The following PLCL1 variants were observed in gnomAD, a reference collection of about 807,000 sequenced individuals.
The protein encoded by PLCL1 is inactive phospholipase C-like protein 1.
Under a neutral mutation model 84.4 loss-of-function variants are expected in PLCL1, and 41 were observed. The observed-to-expected ratio is 0.49, with a 90% CI of 0.38 to 0.63. The LOEUF is 0.63. Among genes scored for constraint, PLCL1 ranks in the 30% least tolerant of loss-of-function variants. The pLI is 0.00. For missense variants in PLCL1, 1,206 were observed against 1,367.8 expected, an observed-to-expected ratio of 0.88 and a Z score of 1.87; for synonymous variants, 490 against 488.3, an observed-to-expected ratio of 1.00 and a Z score of -0.05.
At chr2:198,019,698 A>T (rs1400155163) in intron 1 of PLCL1, among the ~76,000 whole-genome samples, 1 of 152,224 alleles carries the variant, frequency 6.6e-6, no homozygotes, top group Non-Finnish European at 1.5e-5. Flanking sequence ...AGAAAGAATG[A>T]AAAGGAAGGA....
intron 1 of PLCL1, among the ~76,000 whole-genome samples, chr2:197,851,298 G>C (rs1465642680): frequency 6.6e-6 from 1 of 152,176 alleles, no homozygotes; most frequent in Non-Finnish European, 1.5e-5. Context: ...TTCAGACTTT[G>C]GGAGCAGTTC....
At chr2:198,048,289 T>A (rs898006754) in intron 1 of PLCL1, among the ~76,000 whole-genome samples, 1 of 152,162 alleles carries the variant, frequency 6.6e-6, no homozygotes, top group African/African-American at 2.4e-5. Context: ...CACCAGCAGG[T>A]TTGGTGTCTG....
chr2:197,940,724 A>G (rs2105773942), intron 1 of PLCL1, among the ~76,000 whole-genome samples: 2 of 152,342 alleles, frequency 1.3e-5, no homozygotes, highest in African/African-American at 4.8e-5. Flanking sequence ...TTTCAATGAC[A>G]AAAGACCATG....
In PLCL1 at chr2:197,970,704, C is replaced by T. The variant is rs370214656; in HGVS notation, c.241-113054C>T. ...TTCTGTTAGATAGTGCTGCACTGAA[C>T]TACAAGCTTATTGAAGACAAGAGTT... is the stretch of plus-strand genomic sequence containing the variant. On this transcript the variant is annotated intron_variant, in intron 1 of 5. Transcript: ENST00000428675. Among the ~76,000 whole-genome samples the T allele has an allele frequency of 1.6e-4, 25 of 152,298 alleles. No homozygotes were observed. The East Asian group carries it at 4.2e-3, about 26-fold the overall frequency.
At chr2:197,946,268 A>C (rs1432244954) in intron 1 of PLCL1, among the ~76,000 whole-genome samples, 1 of 152,182 alleles carries the variant, frequency 6.6e-6, no homozygotes, top group Non-Finnish European at 1.5e-5. Flanking sequence ...GACATATTTG[A>C]CTAAATAAAA....
chr2:197,813,183 T>C (rs1201549263), intron 1 of PLCL1, among the ~76,000 whole-genome samples: 1 of 152,180 alleles, frequency 6.6e-6, no homozygotes, highest in African/African-American at 2.4e-5. Context: ...GTGATGGCCC[T>C]GCTCCCCTAC....
chr2:198,048,344 C>A (rs1205718825), intron 1 of PLCL1, among the ~76,000 whole-genome samples: 2 of 152,202 alleles, frequency 1.3e-5, no homozygotes, highest in East Asian at 3.8e-4. Context: ...TGTGTTCTCA[C>A]ATGGCCCAAA....
chr2:198,103,827 G>A lies in PLCL1; in HGVS notation c.2996G>A (p.Gly999Glu). ...TTTCTTATGCATTCTTTCTTCAAAGGGATGGAGTTCCATGAAGAACTTCAT... is the reference window on the plus strand; with the variant it reads ...TTTCTTATGCATTCTTTCTTCAAAGAGATGGAGTTCCATGAAGAACTTCAT... The part of the protein sequence containing the change: ...QEKIVQCQKA[G>E]MEFHEELHNL... The change falls in exon 5 of 6, where the codon GGG (glycine) becomes GAG (glutamate). Residue 999 changes from glycine (G) to glutamate (E), a missense_variant and splice_region_variant. Coordinates refer to ENST00000428675, the MANE Select transcript of PLCL1 (RefSeq NM_006226.4). 6.4e-7 allele frequency: 1 copy of A among 1,559,834 alleles called. No individual in the cohort carries two copies. The highest frequency in any genetic ancestry group is 8.8e-7 in the Non-Finnish European group (1 of 1,137,714).
chr2:197,980,003 A>T (rs1690070111), intron 1 of PLCL1, among the ~76,000 whole-genome samples: 1 of 152,174 alleles, frequency 6.6e-6, no homozygotes, highest in Non-Finnish European at 1.5e-5. Context: ...CTGTATAGGG[A>T]TGTAAAAAAG....
At chr2:198,132,925 A>T (rs979878377) in intron 5 of PLCL1, among the ~76,000 whole-genome samples, 1 of 151,750 alleles carries the variant, frequency 6.6e-6, no homozygotes, top group African/African-American at 2.4e-5. Context: ...CTGAATGGTA[A>T]TGCCTAGGTT....
At chr2:197,949,473 G>A (rs1182979609) in intron 1 of PLCL1, among the ~76,000 whole-genome samples, 2 of 152,132 alleles carry the variant, frequency 1.3e-5, no homozygotes, top group Non-Finnish European at 2.9e-5. Flanking sequence ...GATCTTAACA[G>A]CTGTCACTCA....
chr2:197,890,380 A>C (rs1483651374), intron 1 of PLCL1, among the ~76,000 whole-genome samples: 1 of 152,106 alleles, frequency 6.6e-6, no homozygotes, highest in Non-Finnish European at 1.5e-5. Flanking sequence ...TCTCCCTCTT[A>C]GCAGCAACAC....
chr2:197,805,644 A>C lies in PLCL1; in HGVS notation c.240+305A>C, dbSNP rs1177496557. 6.6e-6 allele frequency among the ~76,000 whole-genome samples: 1 copy of C among 152,192 alleles called. No homozygotes were observed. Among genetic ancestry groups the C allele is most frequent in the African/African-American group, 2.4e-5 (1 of 41,454 alleles). On this transcript the variant is annotated intron_variant, in intron 1 of 5. Coordinates refer to ENST00000428675, the MANE Select transcript of PLCL1 (RefSeq NM_006226.4). This position sits in a 1 kb window ranked among gnomAD's most constrained non-coding sequence, Gnocchi z 4.0. ...CACTAAACCGTTGATGGAGGGAGGA[A>C]GGGAGAACTCTGGATAAATGCAGAC...
chr2:198,088,957 A>C lies in PLCL1; in HGVS notation c.2815A>C (p.Asn939His), dbSNP rs1692952839. The C allele has an allele frequency of 6.2e-7, 1 of 1,613,262 alleles. No homozygotes were observed. Among genetic ancestry groups the C allele is most frequent in the Non-Finnish European group, 8.5e-7 (1 of 1,179,318 alleles). The change falls in exon 3 of 6, where the codon AAT (asparagine) becomes CAT (histidine). Residue 939 changes from asparagine to histidine, a missense_variant. Coordinates refer to ENST00000428675, the MANE Select transcript of PLCL1 (RefSeq NM_006226.4). ...TLSSRLITSD[N>H]TPSVSLVMKD... ...GTCATCTCGGCTCATCACCAGTGAC[A>C]ATACTCCTTCAGTCTCACTTGTGAT...
chr2:198,051,319 T>C (rs942681663), intron 1 of PLCL1, among the ~76,000 whole-genome samples: 1 of 152,180 alleles, frequency 6.6e-6, no homozygotes, highest in Non-Finnish European at 1.5e-5. Flanking sequence ...TTCGTAAAGA[T>C]AGCAAAAATA....
chr2:197,830,719 A>G (rs372776080), intron 1 of PLCL1, among the ~76,000 whole-genome samples: 3 of 152,270 alleles, frequency 2.0e-5, no homozygotes, highest in East Asian at 3.9e-4. Context: ...ACACATAATC[A>G]TCAGATTCAC....
intron 1 of PLCL1, among the ~76,000 whole-genome samples, chr2:197,912,963 A>T (rs1274204296): frequency 7.3e-5 from 3 of 41,254 alleles, no homozygotes; most frequent in Non-Finnish European, 1.9e-4. Context: ...AAAAAAAATT[A>T]AAAAAAAAAA....
chr2:197,992,355 C>T (rs1690362666), intron 1 of PLCL1, among the ~76,000 whole-genome samples: 1 of 152,108 alleles, frequency 6.6e-6, no homozygotes, highest in Non-Finnish European at 1.5e-5. Context: ...GCCTTGACCT[C>T]ATGCGCTCAG....
intron 1 of PLCL1, among the ~76,000 whole-genome samples, chr2:197,873,246 G>T (rs906162165): frequency 6.6e-6 from 1 of 151,690 alleles, no homozygotes; most frequent in African/African-American, 2.4e-5. Flanking sequence ...TTTAGGGTGG[G>T]GGTAAAAAGC....
Sources: allele counts gnomAD v4.1 joint callset (sites outside exome capture counted in the v4.1 genomes callset), GRCh38; gene constraint gnomAD v4.1.1; non-coding constraint Gnocchi (gnomAD v3.1); transcripts MANE v1.5; gene names NCBI Gene and HGNC (gene_info 2026-07-23, HGNC 2026-07-21).